The following CDH13 variants were observed in gnomAD, a reference collection of about 807,000 sequenced individuals.
The protein encoded by CDH13 is cadherin 13.
CDH13 carries 24 observed loss-of-function variants against 63.8 expected under a neutral mutation model. The observed-to-expected ratio is 0.38, with a 90% CI of 0.27 to 0.53. The LOEUF (loss-of-function observed/expected upper bound fraction) is 0.53. Ranked by LOEUF, CDH13 falls within the 20% of genes least tolerant of loss-of-function variation. The probability of loss-of-function intolerance (pLI) is 0.85; values close to 1 mark genes in which losing one functional copy is unlikely to be tolerated. For synonymous variants in CDH13, 503 were observed against 355.3 expected, an observed-to-expected ratio of 1.42 and a Z score of -4.67; for missense variants, 1,049 against 903.1, an observed-to-expected ratio of 1.16 and a Z score of -2.07.
At chr16:82,664,150 AG>A (rs1567603420) in intron 1 of CDH13, among the ~76,000 whole-genome samples, 1 of 152,266 alleles carries the variant, frequency 6.6e-6, no homozygotes, top group African/African-American at 2.4e-5. Flanking sequence ...CTCAGCACAT[AG>A]TAAGCGCTAA....
At chr16:82,847,895 C>CTT (rs33934390) in intron 1 of CDH13, among the ~76,000 whole-genome samples, 51,297 of 139,780 alleles carry the variant, frequency 0.37, 9,934 homozygotes, top group East Asian at 0.8. Context: ...TTGTGCTTCA[C>CTT]TTTTTTTTTT....
intron 2 of CDH13, among the ~76,000 whole-genome samples, chr16:82,984,889 T>G (rs1215213225): frequency 6.6e-6 from 1 of 152,130 alleles, no homozygotes; most frequent in Non-Finnish European, 1.5e-5. Flanking sequence ...AATCACTGCT[T>G]TTACCCTGGG....
chr16:83,582,795 C>G (rs1905745955), intron 7 of CDH13, among the ~76,000 whole-genome samples: 1 of 152,172 alleles, frequency 6.6e-6, no homozygotes, highest in African/African-American at 2.4e-5. Context: ...TGCTGAGGAC[C>G]TTAAGCAGAG....
intron 9 of CDH13, among the ~76,000 whole-genome samples, chr16:83,673,771 G>T (rs550782562): frequency 6.6e-6 from 1 of 152,290 alleles, no homozygotes; most frequent in African/African-American, 2.4e-5. Context: ...TGAGAGAGAG[G>T]TGTGCCAGGT....
chr16:83,477,719 C>G (rs1349161526), intron 6 of CDH13, among the ~76,000 whole-genome samples: 1 of 152,070 alleles, frequency 6.6e-6, no homozygotes, highest in Non-Finnish European at 1.5e-5. Context: ...TAATTCGTGC[C>G]TTTGGGGGAA....
At chr16:83,225,202 G>T (rs1464224333) in intron 5 of CDH13, among the ~76,000 whole-genome samples, 1 of 152,158 alleles carries the variant, frequency 6.6e-6, no homozygotes, top group African/African-American at 2.4e-5. Flanking sequence ...ACACTCTTGG[G>T]TATTAACATC....
chr16:83,579,637 G>A (rs1025431016), intron 7 of CDH13, among the ~76,000 whole-genome samples: 9 of 152,090 alleles, frequency 5.9e-5, no homozygotes, highest in Middle Eastern at 3.4e-3. Flanking sequence ...AGATTTGGGC[G>A]GTGACCCAAA....
At chr16:83,270,934 C>G (rs1199209951) in intron 5 of CDH13, among the ~76,000 whole-genome samples, 1 of 138,080 alleles carries the variant, frequency 7.2e-6, no homozygotes, top group Non-Finnish European at 1.6e-5. Flanking sequence ...TTTCCTTTCT[C>G]TTTCCCTTCC....
At chr16:82,959,337 G>A (rs1175881456) in intron 2 of CDH13, among the ~76,000 whole-genome samples, 2 of 152,156 alleles carry the variant, frequency 1.3e-5, no homozygotes, top group African/African-American at 2.4e-5. Context: ...AGGGGAGGGG[G>A]CTGGCAAATG....
intron 2 of CDH13, among the ~76,000 whole-genome samples, chr16:83,010,240 A>G (rs923213370): frequency 5.3e-5 from 8 of 150,886 alleles, no homozygotes; most frequent in Non-Finnish European, 1.0e-4. Flanking sequence ...TGATCCTGGC[A>G]CAGCACTTTG....
intron 10 of CDH13, among the ~76,000 whole-genome samples, chr16:83,717,446 ACTTT>A (rs1302308673): frequency 6.6e-6 from 1 of 151,880 alleles, no homozygotes; most frequent in East Asian, 1.9e-4. Context: ...CCCTGTCTCC[ACTTT>A]CTTCTGTCTC....
chr16:83,656,445 G>A (rs1266264504), intron 8 of CDH13, among the ~76,000 whole-genome samples: 2 of 152,126 alleles, frequency 1.3e-5, no homozygotes, highest in Non-Finnish European at 2.9e-5. Context: ...TACAATCCTG[G>A]ATACAGGGCA....
intron 1 of CDH13, among the ~76,000 whole-genome samples, chr16:82,811,370 T>C (rs926483589): frequency 6.6e-6 from 1 of 152,180 alleles, no homozygotes; most frequent in Non-Finnish European, 1.5e-5. Context: ...TAATAGGCTT[T>C]GGTGGCAGGT....
intron 4 of CDH13, among the ~76,000 whole-genome samples, chr16:83,163,917 A>G (rs1222565892): frequency 1.3e-5 from 2 of 152,148 alleles, no homozygotes; most frequent in Non-Finnish European, 2.9e-5. Flanking sequence ...CATCATCATC[A>G]TCATCGCAAT....
intron 1 of CDH13, among the ~76,000 whole-genome samples, chr16:82,815,794 T>A (rs61396762): frequency 0.1 from 15,587 of 152,192 alleles, 1,005 homozygotes; most frequent in East Asian, 0.18. Flanking sequence ...AGCTTTAATT[T>A]CAATAATTTG....
At chr16:82,979,098 A>G (rs1265340548) in intron 2 of CDH13, among the ~76,000 whole-genome samples, 1 of 152,240 alleles carries the variant, frequency 6.6e-6, no homozygotes, top group Non-Finnish European at 1.5e-5. Flanking sequence ...ATTGGATTCT[A>G]GACTTGCATG....
chr16:82,995,074 A>G (rs191055102), intron 2 of CDH13, among the ~76,000 whole-genome samples: 6 of 152,330 alleles, frequency 3.9e-5, no homozygotes, highest in Admixed American at 3.9e-4. Context: ...AGTAAATGTT[A>G]ACTGCTGCTA....
chr16:83,324,973 C>T (rs1015338298), intron 5 of CDH13, among the ~76,000 whole-genome samples: 1 of 152,204 alleles, frequency 6.6e-6, no homozygotes, highest in East Asian at 1.9e-4. Flanking sequence ...TGTCACTCTA[C>T]TTGGTCCCCC....
At chr16:83,236,490 G>GA (rs1490119029) in intron 5 of CDH13, among the ~76,000 whole-genome samples, 1 of 152,148 alleles carries the variant, frequency 6.6e-6, no homozygotes, top group Non-Finnish European at 1.5e-5. Flanking sequence ...AATATTGTGA[G>GA]AAAAAATTTA....
Sources: allele counts gnomAD v4.1 joint callset (sites outside exome capture counted in the v4.1 genomes callset), GRCh38; gene constraint gnomAD v4.1.1; transcripts MANE v1.5; gene names NCBI Gene and HGNC (gene_info 2026-07-23, HGNC 2026-07-21).